NXPH1: variants seen among roughly 807,000 people sequenced by gnomAD.
NXPH1 encodes the protein neurexophilin 1, also known as neurexophilin-1.
NXPH1 carries 5 observed loss-of-function variants against 23.7 expected under a neutral mutation model. The ratio of observed to expected loss-of-function variants is 0.21; its 90% CI spans 0.11 to 0.44. The LOEUF (loss-of-function observed/expected upper bound fraction) is 0.44. Among genes scored for constraint, NXPH1 ranks in the 20% least tolerant of loss-of-function variants. The pLI, the probability that NXPH1 is intolerant of heterozygous loss-of-function variation, is 0.99. For synonymous variants in NXPH1, 144 were observed against 122.2 expected (o/e 1.18, Z -1.18); for missense variants, 324 against 321.6 (o/e 1.01, Z -0.06).
At chr7:8,613,625 C>G (rs536201003) in intron 2 of NXPH1, among the ~76,000 whole-genome samples, 136 of 152,082 alleles carry the variant, frequency 8.9e-4, no homozygotes, top group Non-Finnish European at 1.5e-3. Context: ...CAACCATTAT[C>G]TATCTATGGT....
At position 8,705,791 on chromosome 7, in the gene NXPH1, C is replaced by T. The variant is rs184236633; in HGVS notation, c.55-45217C>T. Among the ~76,000 whole-genome samples, 75 of 152,280 alleles carry T rather than the reference C, an allele frequency of 4.9e-4. 1 individual carries two copies. Among genetic ancestry groups the T allele is most frequent in the African/African-American group, 1.7e-3 (72 of 41,562 alleles). Reference sequence around the variant, plus strand: ...AAGATCATCAGTGTATCTTTAAAGTCTTACCTCAGGGCTATGTCAACATTT... The same window carrying T: ...AAGATCATCAGTGTATCTTTAAAGTTTTACCTCAGGGCTATGTCAACATTT... On this transcript the variant is annotated intron_variant, in intron 2 of 2. Transcript: ENST00000405863.
In NXPH1 at chr7:8,665,923, T is replaced by G. The variant is rs568407051; in HGVS notation, c.55-85085T>G. 6.7e-3 allele frequency among the ~76,000 whole-genome samples: 1,005 copies of G among 149,166 alleles called. 15 individuals are homozygous for G. The highest frequency in any genetic ancestry group is 0.024 in the African/African-American group (964 of 40,624). On this transcript the variant is annotated intron_variant, in intron 2 of 2. Coordinates refer to ENST00000405863, the MANE Select transcript of NXPH1 (RefSeq NM_152745.3). The stretch of plus-strand genomic sequence containing the variant: ...AGAGGTTTTTTTTTCTTTTTCTTTT[T>G]TTTTTTTTTTTGAAGGAGTCTTTGG...
intron 2 of NXPH1, among the ~76,000 whole-genome samples, chr7:8,594,457 T>A (rs1212965673): frequency 1.3e-5 from 2 of 152,034 alleles, no homozygotes; most frequent in Non-Finnish European, 2.9e-5. Flanking sequence ...GAAAGCATAT[T>A]TTTTTAACTA....
At chr7:8,579,027 C>A (rs1038374721) in intron 2 of NXPH1, among the ~76,000 whole-genome samples, 1 of 152,188 alleles carries the variant, frequency 6.6e-6, no homozygotes, top group Non-Finnish European at 1.5e-5. Context: ...GCTAGAGAAG[C>A]AGGCAGAGGC....
At chr7:8,731,938 G>T (rs1248468363) in intron 2 of NXPH1, among the ~76,000 whole-genome samples, 1 of 152,204 alleles carries the variant, frequency 6.6e-6, no homozygotes. Flanking sequence ...CCCTCCCCCG[G>T]CCTTGCTGCT....
chr7:8,623,892 A>T (rs1174457960), intron 2 of NXPH1, among the ~76,000 whole-genome samples: 1 of 152,128 alleles, frequency 6.6e-6, no homozygotes, highest in Non-Finnish European at 1.5e-5. Context: ...CTATCTCTGT[A>T]TATGTAGCTA....
At chr7:8,599,446 C>A (rs1341996365) in intron 2 of NXPH1, among the ~76,000 whole-genome samples, 1 of 152,076 alleles carries the variant, frequency 6.6e-6, no homozygotes. Context: ...CCTGTCTTCC[C>A]CACTTAGTAA....
intron 2 of NXPH1, among the ~76,000 whole-genome samples, chr7:8,502,886 T>G (rs1480313751): frequency 6.6e-6 from 1 of 151,852 alleles, no homozygotes; most frequent in Non-Finnish European, 1.5e-5. Context: ...TCAGAAGTTT[T>G]GGGGAAGCTG....
At chr7:8,454,515 G>A (rs1045295731) in intron 2 of NXPH1, among the ~76,000 whole-genome samples, 4 of 152,082 alleles carry the variant, frequency 2.6e-5, no homozygotes, top group African/African-American at 9.7e-5. Flanking sequence ...GACTTGTATT[G>A]ATTGGGAAGT....
At chr7:8,649,868 G>A (rs1263849849) in intron 2 of NXPH1, among the ~76,000 whole-genome samples, 1 of 152,170 alleles carries the variant, frequency 6.6e-6, no homozygotes, top group Non-Finnish European at 1.5e-5. Context: ...CATCTTGACA[G>A]AAACAGAAGC....
intron 2 of NXPH1, among the ~76,000 whole-genome samples, chr7:8,639,241 T>G (rs906703704): frequency 1.3e-5 from 2 of 152,216 alleles, no homozygotes; most frequent in African/African-American, 4.8e-5. Context: ...ACTTCAGATC[T>G]GTCTAGAACT....
intron 2 of NXPH1, among the ~76,000 whole-genome samples, chr7:8,494,230 G>C (rs1817299239): frequency 6.6e-6 from 1 of 151,814 alleles, no homozygotes; most frequent in African/African-American, 2.4e-5. Context: ...TTGGCAGAAA[G>C]GCATAATTTC....
chr7:8,684,204 G>A (rs1821105228), intron 2 of NXPH1, among the ~76,000 whole-genome samples: 1 of 152,132 alleles, frequency 6.6e-6, no homozygotes, highest in Non-Finnish European at 1.5e-5. Context: ...CTACGGTCAG[G>A]CTATTTCTGG....
chr7:8,467,882 T>C (rs1816810186), intron 2 of NXPH1, among the ~76,000 whole-genome samples: 1 of 152,178 alleles, frequency 6.6e-6, no homozygotes, highest in Non-Finnish European at 1.5e-5. Context: ...AGCATGGCTA[T>C]TTATTTTGAG....
chr7:8,540,626 T>C (rs1436066081), intron 2 of NXPH1, among the ~76,000 whole-genome samples: 1 of 151,754 alleles, frequency 6.6e-6, no homozygotes, highest in African/African-American at 2.4e-5. Flanking sequence ...AGAGAGCTGC[T>C]TTTAAAGAGA....
At chr7:8,741,783 T>C (rs188200989) in intron 2 of NXPH1, among the ~76,000 whole-genome samples, 282 of 152,246 alleles carry the variant, frequency 1.9e-3, no homozygotes, top group African/African-American at 6.2e-3. Context: ...CCTAAAATAT[T>C]GATTGTGAAT....
intron 2 of NXPH1, among the ~76,000 whole-genome samples, chr7:8,604,327 G>A (rs910217983): frequency 1.1e-4 from 17 of 152,050 alleles, no homozygotes; most frequent in Non-Finnish European, 7.4e-5. Context: ...AACATATCTT[G>A]AGCACCTACC....
intron 2 of NXPH1, among the ~76,000 whole-genome samples, chr7:8,728,103 G>C (rs1281325185): frequency 6.6e-6 from 1 of 151,254 alleles, no homozygotes; most frequent in Non-Finnish European, 1.5e-5. Flanking sequence ...TGAAGCAATT[G>C]TGAATGGGAG....
intron 2 of NXPH1, among the ~76,000 whole-genome samples, chr7:8,574,494 T>C (rs1818714321): frequency 6.6e-6 from 1 of 152,106 alleles, no homozygotes; most frequent in South Asian, 2.1e-4. Flanking sequence ...AGGTTGTCTC[T>C]TTCTGAAGGA....
Sources: gnomAD v4.1 joint callset for allele counts (sites outside exome capture counted in the v4.1 genomes callset) on GRCh38, gnomAD v4.1.1 for gene constraint, MANE v1.5 for transcripts, NCBI Gene and HGNC (gene_info 2026-07-23, HGNC 2026-07-21) for gene names.